TLL1: variants seen among roughly 807,000 people sequenced by gnomAD.
TLL1 encodes the protein tolloid-like protein 1.
A neutral mutation model predicts 128.2 loss-of-function variants in TLL1; 49 were observed. The ratio of observed to expected loss-of-function variants is 0.38; its 90% CI spans 0.30 to 0.48. TLL1 has a LOEUF of 0.48. Ranked by LOEUF, TLL1 falls within the 20% of genes least tolerant of loss-of-function variation. The pLI is 0.96. For synonymous variants in TLL1, 454 were observed against 418.8 expected, an observed-to-expected ratio of 1.08 and a Z score of -1.03; for missense variants, 1,123 against 1,242.0, an observed-to-expected ratio of 0.90 and a Z score of 1.44.
At chr4:166,048,250 A>G (rs1739551741) in intron 12 of TLL1, among the ~76,000 whole-genome samples, 1 of 151,644 alleles carries the variant, frequency 6.6e-6, no homozygotes, top group Non-Finnish European at 1.5e-5. Context: ...AAAAAAAAAA[A>G]AAAAAAAGGC....
intron 15 of TLL1, among the ~76,000 whole-genome samples, chr4:166,060,502 A>G (rs1740259321): frequency 6.6e-6 from 1 of 152,174 alleles, no homozygotes; most frequent in African/African-American, 2.4e-5. Context: ...CTTCTAGAAA[A>G]AAATAAACCA....
chr4:166,084,120 GC>G lies in TLL1; in HGVS notation c.2442+6091del, dbSNP rs1196348006. Among the ~76,000 whole-genome samples the G allele has an allele frequency of 2.0e-5, 3 of 152,020 alleles. No homozygotes were observed. In the East Asian group the frequency reaches 5.8e-4, roughly 29 times the overall value. On this transcript the variant is annotated intron_variant, in intron 18 of 20. Coordinates refer to ENST00000061240, the MANE Select transcript of TLL1 (RefSeq NM_012464.5). Reference sequence around the variant, plus strand: ...TGATATCTCATTTTGGTTTTGATTTGCATTTTCTGGATGGTTAGTGATGTTG... The same window carrying G: ...TGATATCTCATTTTGGTTTTGATTTGATTTTCTGGATGGTTAGTGATGTTG...
At chr4:165,876,164 A>C (rs978187209) in intron 1 of TLL1, among the ~76,000 whole-genome samples, 1 of 152,244 alleles carries the variant, frequency 6.6e-6, no homozygotes, top group Non-Finnish European at 1.5e-5. Context: ...TATGCACAGA[A>C]TGTGAATCCC....
At chr4:166,061,371 C>T (rs1243877510) in intron 15 of TLL1, among the ~76,000 whole-genome samples, 1 of 151,658 alleles carries the variant, frequency 6.6e-6, no homozygotes. Context: ...CTCAGCCTCC[C>T]GAATAGCTGG....
In TLL1 at chr4:165,958,495, T is replaced by G. The variant is rs1458635874; in HGVS notation, c.170-30886T>G. On this transcript the variant is annotated intron_variant, in intron 1 of 20. Transcript: ENST00000061240. ...AGCATTTTTTCATGTGTCTTTTGGC[T>G]GCATAAATGTCTTCTTTTGAGAAGT... Among the ~76,000 whole-genome samples the G allele has an allele frequency of 4.2e-3, 618 of 148,702 alleles. 1 individual carries two copies. Among genetic ancestry groups the G allele is most frequent in the African/African-American group, 0.014 (562 of 39,768 alleles).
chr4:166,087,442 A>C (rs1348578417), intron 18 of TLL1, among the ~76,000 whole-genome samples: 2 of 152,106 alleles, frequency 1.3e-5, no homozygotes, highest in Non-Finnish European at 2.9e-5. Flanking sequence ...ATTTTTTTCC[A>C]GTGGCCTCTA....
At chr4:166,099,722 C>T (rs1742205841) in intron 20 of TLL1, among the ~76,000 whole-genome samples, 195 bp downstream of exon 20, 1 of 151,514 alleles carries the variant, frequency 6.6e-6, no homozygotes, top group Non-Finnish European at 1.5e-5. Flanking sequence ...AATGAATTTG[C>T]CTGAATAATA....
At chr4:166,018,511 A>G (rs2111058008) in intron 8 of TLL1, among the ~76,000 whole-genome samples, 1 of 152,254 alleles carries the variant, frequency 6.6e-6, no homozygotes, top group East Asian at 1.9e-4. Context: ...AACAAAGCAA[A>G]CAGACAACCT....
At chr4:166,030,420 T>C in intron 9 of TLL1, 1 of 545,864 alleles carries the variant, frequency 1.8e-6, no homozygotes, top group Non-Finnish European at 3.4e-6. Context: ...TGATTAGAGA[T>C]ATGATTTGCA....
chr4:166,049,805 C>G (rs1739628912), intron 12 of TLL1, among the ~76,000 whole-genome samples: 2 of 151,398 alleles, frequency 1.3e-5, no homozygotes, highest in African/African-American at 4.8e-5. Context: ...AGATTTTTCT[C>G]ATTATAAAAA....
intron 16 of TLL1, among the ~76,000 whole-genome samples, chr4:166,066,245 G>C (rs895967548): frequency 7.3e-5 from 11 of 151,100 alleles, no homozygotes; most frequent in Non-Finnish European, 1.2e-4. Context: ...TTATAGAAAT[G>C]GTTGCAGTAA....
intron 12 of TLL1, 124 bp downstream of exon 12, chr4:166,043,543 G>T: frequency 7.1e-7 from 1 of 1,415,584 alleles, no homozygotes; most frequent in Non-Finnish European, 9.9e-7. Context: ...AAGAAGCAAA[G>T]GATCGCTCAT....
intron 9 of TLL1, among the ~76,000 whole-genome samples, chr4:166,027,722 G>A (rs909988421): frequency 6.6e-6 from 1 of 152,060 alleles, no homozygotes; most frequent in Admixed American, 6.5e-5. Flanking sequence ...CAAGTTTAAA[G>A]TATACATGAT....
chr4:165,897,479 A>G (rs12498524), intron 1 of TLL1, among the ~76,000 whole-genome samples: 80,010 of 151,866 alleles, frequency 0.53, 22,917 homozygotes, highest in East Asian at 0.97. Context: ...TTATTAAATA[A>G]GGAATCTTTT....
intron 1 of TLL1, among the ~76,000 whole-genome samples, chr4:165,913,761 C>T (rs1280020197): frequency 2.0e-5 from 3 of 152,266 alleles, no homozygotes; most frequent in African/African-American, 7.2e-5. Context: ...CACCTGTAAT[C>T]CCAGCACTTT....
chr4:165,934,172 G>GC, intron 1 of TLL1, among the ~76,000 whole-genome samples: 1 of 118,708 alleles, frequency 8.4e-6, no homozygotes, highest in East Asian at 2.5e-4. Flanking sequence ...CTAATTTTTT[G>GC]CTTTTTTTTT....
chr4:165,958,858 G>A (rs1457194785), intron 1 of TLL1, among the ~76,000 whole-genome samples: 4 of 144,302 alleles, frequency 2.8e-5, no homozygotes, highest in Non-Finnish European at 4.5e-5. Flanking sequence ...TAACGTTTAA[G>A]TCTTTAATCC....
At chr4:166,058,831 G>T (rs1740152273) in intron 14 of TLL1, among the ~76,000 whole-genome samples, 1 of 152,098 alleles carries the variant, frequency 6.6e-6, no homozygotes, top group African/African-American at 2.4e-5. Flanking sequence ...ACCTGTAATA[G>T]AGGATATAAT....
intron 1 of TLL1, among the ~76,000 whole-genome samples, chr4:165,882,820 A>G (rs1319207742): frequency 6.6e-6 from 1 of 151,594 alleles, no homozygotes; most frequent in Non-Finnish European, 1.5e-5. Flanking sequence ...GTTTCTCCAT[A>G]TTGGTCAGGC....
Sources: allele counts gnomAD v4.1 joint callset (sites outside exome capture counted in the v4.1 genomes callset), GRCh38; gene constraint gnomAD v4.1.1; transcripts MANE v1.5; gene names NCBI Gene and HGNC (gene_info 2026-07-23, HGNC 2026-07-21).